ECHS1: variants seen among roughly 807,000 people sequenced by gnomAD.
ECHS1 encodes the protein enoyl-CoA hydratase, mitochondrial.
ECHS1 carries 19 observed loss-of-function variants against 33.5 expected under a neutral mutation model. The ratio of observed to expected loss-of-function variants is 0.57; its 90% CI spans 0.40 to 0.83. ECHS1 has a LOEUF of 0.83. ECHS1 is among the 40% of genes least tolerant of loss of function. The pLI is 0.00. For missense variants in ECHS1, 365 were observed against 381.3 expected, an observed-to-expected ratio of 0.96 and a Z score of 0.36; for synonymous variants, 158 against 146.6, an observed-to-expected ratio of 1.08 and a Z score of -0.56.
chr10:133,372,178 C>T (rs1251687577), intron 1 of ECHS1, among the ~76,000 whole-genome samples: 1 of 152,222 alleles, frequency 6.6e-6, no homozygotes, highest in African/African-American at 2.4e-5. Flanking sequence ...CAGGAAAGGG[C>T]TGCTGTCAGG....
chr10:133,363,348 C>CGT (rs3222954), intron 7 of ECHS1, among the ~76,000 whole-genome samples: 1 of 16,644 alleles, frequency 6.0e-5, no homozygotes, highest in African/African-American at 1.7e-4. Flanking sequence ...CCCAGGTGTG[C>CGT]GCGCGCGCAC....
intron 6 of ECHS1, among the ~76,000 whole-genome samples, chr10:133,365,131 C>T (rs890067504): frequency 3.9e-5 from 6 of 152,258 alleles, no homozygotes; most frequent in African/African-American, 1.4e-4. Flanking sequence ...ACGCCTTTGG[C>T]TCTGCTCATT....
intron 1 of ECHS1, among the ~76,000 whole-genome samples, chr10:133,371,271 C>T (rs1453404665): frequency 2.8e-5 from 4 of 143,976 alleles, no homozygotes; most frequent in African/African-American, 5.0e-5. Flanking sequence ...AGTGAGACTC[C>T]GTCTCAAAAA....
At chr10:133,365,453 G>A (rs1436769258) in intron 6 of ECHS1, among the ~76,000 whole-genome samples, 1 of 152,252 alleles carries the variant, frequency 6.6e-6, no homozygotes, top group African/African-American at 2.4e-5. Flanking sequence ...TCCACATGCT[G>A]AGAATAAATT....
At chr10:133,372,085 C>T (rs1017559106) in intron 1 of ECHS1, among the ~76,000 whole-genome samples, 4 of 152,216 alleles carry the variant, frequency 2.6e-5, no homozygotes, top group Admixed American at 2.6e-4. Flanking sequence ...AGCCACTGTG[C>T]CCCGCCGTAT....
Position 133,368,948 on chromosome 10 carries a change from C to T in ECHS1, c.489G>A (p.Pro163=), listed in dbSNP as rs140410716. ...CTGGGATGGTTCCTATTAAGATCTCCGGCTGTGCAAACTGGGCCTTCTCAC... is the reference window on the plus strand; with the variant it reads ...CTGGGATGGTTCCTATTAAGATCTCTGGCTGTGCAAACTGGGCCTTCTCAC... ...YAGEKAQFAQ[P]EILIGTIPGA... is the part of the protein sequence containing the mutation. The change falls in exon 4 of 8, where the codon CCG becomes CCA. Residue 163 remains proline (P), a synonymous_variant. Transcript: ENST00000368547. The T allele has an allele frequency of 4.0e-4, 653 of 1,613,714 alleles. 4 individuals are homozygous for T. The East Asian group carries it at 0.011, about 26-fold the overall frequency.
intron 1 of ECHS1, among the ~76,000 whole-genome samples, chr10:133,372,694 G>A (rs1290559572): frequency 6.7e-6 from 1 of 149,168 alleles, no homozygotes; most frequent in East Asian, 2.0e-4. Flanking sequence ...GTGGGGGTGC[G>A]GGCCAGGGTC....
intron 1 of ECHS1, among the ~76,000 whole-genome samples, chr10:133,372,524 C>A (rs1190583101): frequency 6.6e-6 from 1 of 152,314 alleles, no homozygotes; most frequent in East Asian, 1.9e-4. Context: ...ACAGGAGCTA[C>A]GCCTGCTCTT....
At chr10:133,366,481 C>T (rs1233209585) in intron 5 of ECHS1, among the ~76,000 whole-genome samples, 1 of 152,284 alleles carries the variant, frequency 6.6e-6, no homozygotes, top group African/African-American at 2.4e-5. Flanking sequence ...GTGTGGTTCA[C>T]TTCCGTACAT....
At chr10:133,363,074 AG>A in intron 7 of ECHS1, 141 bp from the exon 8 acceptor site, 1 of 899,822 alleles carries the variant, frequency 1.1e-6, no homozygotes, top group South Asian at 1.4e-5. Context: ...ACTCAGCGGC[AG>A]GAACACCTGC....
Position 133,373,334 on chromosome 10 carries a change from G to T in ECHS1, c.-1C>A. ...ACAGCAGGACACGCAGGGCGGCCATGGCTCTCTGGACTCCTCGCCCGGCCC... is the reference window on the plus strand; with the variant it reads ...ACAGCAGGACACGCAGGGCGGCCATTGCTCTCTGGACTCCTCGCCCGGCCC... On this transcript the variant is annotated 5_prime_UTR_variant, in exon 1 of 8. Transcript: ENST00000368547. 6.7e-7 allele frequency: 1 copy of T among 1,502,750 alleles called. No homozygotes were observed. Among genetic ancestry groups the T allele is most frequent in the Non-Finnish European group, 8.8e-7 (1 of 1,132,102 alleles). The allele number at this position is 1,502,750 out of a possible 1,614,324, so 93.1% of individuals were successfully genotyped here.
intron 5 of ECHS1, among the ~76,000 whole-genome samples, 159 bp from the exon 6 acceptor site, chr10:133,366,254 C>G (rs967471325): frequency 1.3e-5 from 2 of 152,250 alleles, no homozygotes; most frequent in African/African-American, 4.8e-5. Context: ...CGTGCCCCTT[C>G]CTGAGTGCTG....
At chr10:133,366,665 G>C (rs903363743) in intron 5 of ECHS1, among the ~76,000 whole-genome samples, 3 of 151,762 alleles carry the variant, frequency 2.0e-5, no homozygotes, top group Admixed American at 6.5e-5. Context: ...CTCCCCCATG[G>C]GGGACACCTG....
chr10:133,366,868 G>A (rs1849041727), intron 5 of ECHS1, 21 bp downstream of exon 5: 1 of 1,593,166 alleles, frequency 6.3e-7, no homozygotes, highest in East Asian at 2.2e-5. Flanking sequence ...GGTGGCTCTT[G>A]CGGGCAGCCC....
In ECHS1 at chr10:133,370,702, C is replaced by A. The variant is rs534858686; in HGVS notation, c.144G>T (p.Gly48=). ...AEKRGKNNTV[G]LIQLNRPKAL... ...CCTTGGGGCGGTTCAGTTGGATCAACCCCACGGTGTTATTCTTCCCTCTTT... is the reference window on the plus strand; with the variant it reads ...CCTTGGGGCGGTTCAGTTGGATCAAACCCACGGTGTTATTCTTCCCTCTTT... The change falls in exon 2 of 8, where the codon GGG becomes GGT. Residue 48 remains glycine (G), a synonymous_variant. Coordinates refer to ENST00000368547, the MANE Select transcript of ECHS1 (RefSeq NM_004092.4). 6.2e-7 allele frequency: 1 copy of A among 1,613,196 alleles called. No homozygotes were observed. The highest frequency in any genetic ancestry group is 8.5e-7 in the Non-Finnish European group (1 of 1,179,746).
At position 133,369,945 on chromosome 10, in the gene ECHS1, G is replaced by A. The variant is rs1182220536; in HGVS notation, c.373C>T (p.Gln125Ter). 1 of 1,613,852 alleles carries A rather than the reference G, an allele frequency of 6.2e-7. No individual in the cohort carries two copies. Residue 125 changes from glutamine (Q) to a stop codon, truncating the protein, a stop_gained, in exon 3 of 8, where the codon CAG (glutamine) becomes TAG (stop). Coordinates refer to ENST00000368547, the MANE Select transcript of ECHS1 (RefSeq NM_004092.4). LOFTEE classifies it high-confidence loss of function. ...KFLKHWDHLTQVKKPVIAAVN... is the reference protein window; with the variant it reads ...KFLKHWDHLT ...GCAGCGATGACTGGCTTCTTGACCT[G>A]GGTGAGGTGGTCCCAGTGCTTCAAG... is the stretch of plus-strand genomic sequence containing the variant.
At chr10:133,371,629 G>A (rs1849109596) in intron 1 of ECHS1, 1 of 154,528 alleles carries the variant, frequency 6.5e-6, no homozygotes, top group African/African-American at 2.4e-5. Context: ...CTTCTCGGTT[G>A]GCCTGCTGCA....
intron 1 of ECHS1, among the ~76,000 whole-genome samples, 200 bp downstream of exon 1, chr10:133,373,046 G>A (rs1405902904): frequency 1.2e-5 from 1 of 82,370 alleles, no homozygotes; most frequent in Non-Finnish European, 2.5e-5. Flanking sequence ...GGGTCAGGCG[G>A]GGGGGTGCGG....
In ECHS1 at chr10:133,370,205, G is replaced by T. The variant is rs7076036; in HGVS notation, c.287-174C>A. Among the ~76,000 whole-genome samples, 149,582 of 152,346 alleles carry T rather than the reference G, an allele frequency of 0.98. 73,486 individuals carry two copies. Among genetic ancestry groups the T allele is most frequent in the Middle Eastern group, 1 (294 of 294 alleles). On this transcript the variant is annotated intron_variant, in intron 2 of 7. Coordinates refer to ENST00000368547, the MANE Select transcript of ECHS1 (RefSeq NM_004092.4). The stretch of plus-strand genomic sequence containing the variant: ...TGTAGGGACGCTGTAATGCCAGCTA[G>T]AACAGAAGTCACGCAGAGGGGCCCT...
Sources: gnomAD v4.1 joint callset for allele counts (sites outside exome capture counted in the v4.1 genomes callset) on GRCh38, gnomAD v4.1.1 for gene constraint, MANE v1.5 for transcripts, NCBI Gene and HGNC (gene_info 2026-07-23, HGNC 2026-07-21) for gene names.